The following GRID2 variants were observed in gnomAD, a reference collection of about 807,000 sequenced individuals.
The protein encoded by GRID2 is glutamate receptor ionotropic, delta-2.
A neutral mutation model predicts 114.8 loss-of-function variants in GRID2; 33 were observed. The observed-to-expected ratio is 0.29, with a 90% confidence interval of 0.22 to 0.38. The LOEUF (loss-of-function observed/expected upper bound fraction) is 0.38. Ranked by LOEUF, GRID2 falls within the 10% of genes least tolerant of loss-of-function variation. GRID2 has a pLI of 1.00. For synonymous variants in GRID2, 505 were observed against 449.9 expected (o/e 1.12, Z -1.55); for missense variants, 1,184 against 1,257.7 (o/e 0.94, Z 0.89).
intron 1 of GRID2, among the ~76,000 whole-genome samples, chr4:92,432,862 G>A (rs552851729): frequency 6.6e-6 from 1 of 152,260 alleles, no homozygotes; most frequent in Non-Finnish European, 1.5e-5. Flanking sequence ...GGTCACACCT[G>A]AAGCCAGCAG....
chr4:93,447,308 G>A (rs1722180387), intron 10 of GRID2, among the ~76,000 whole-genome samples: 1 of 151,840 alleles, frequency 6.6e-6, no homozygotes, highest in South Asian at 2.1e-4. Flanking sequence ...AAAATATGAA[G>A]CCATTAAAGC....
At chr4:93,431,502 A>C (rs1769404122) in intron 10 of GRID2, among the ~76,000 whole-genome samples, 1 of 152,212 alleles carries the variant, frequency 6.6e-6, no homozygotes, top group South Asian at 2.1e-4. Flanking sequence ...TGTTGATGAT[A>C]AGAACTGCCA....
intron 2 of GRID2, among the ~76,000 whole-genome samples, chr4:92,697,807 A>C (rs1405102702): frequency 6.6e-6 from 1 of 152,164 alleles, no homozygotes; most frequent in African/African-American, 2.4e-5. Context: ...GTTGGGTTGA[A>C]GGATGATGAG....
intron 2 of GRID2, among the ~76,000 whole-genome samples, chr4:92,596,244 TCATTCATC>T (rs1038373476): frequency 3.3e-5 from 5 of 152,042 alleles, no homozygotes; most frequent in Non-Finnish European, 5.9e-5. Flanking sequence ...ATTCATTCAT[TCATTCATC>T]CATTCGTTCA....
chr4:92,932,746 G>C (rs903604121), intron 2 of GRID2, among the ~76,000 whole-genome samples: 1 of 151,208 alleles, frequency 6.6e-6, no homozygotes, highest in African/African-American at 2.4e-5. Context: ...CAACAAAAAC[G>C]AATGCAGGCA....
chr4:92,336,407 A>C (rs540270850), intron 1 of GRID2, among the ~76,000 whole-genome samples: 1 of 152,088 alleles, frequency 6.6e-6, no homozygotes, highest in Non-Finnish European at 1.5e-5. Context: ...AATATCTCAA[A>C]TCTGTCCATT....
intron 1 of GRID2, among the ~76,000 whole-genome samples, chr4:92,568,282 A>T (rs1037712855): frequency 2.0e-5 from 3 of 152,040 alleles, no homozygotes; most frequent in African/African-American, 7.2e-5. Flanking sequence ...CTGAAATTTA[A>T]CAAAGTGTCT....
intron 4 of GRID2, among the ~76,000 whole-genome samples, chr4:93,190,707 C>G (rs1455465486): frequency 4.6e-5 from 7 of 151,940 alleles, no homozygotes; most frequent in Non-Finnish European, 1.0e-4. Flanking sequence ...GCAATATGAC[C>G]TACGCTATTT....
chr4:93,255,888 A>T (rs1419213633), intron 8 of GRID2, among the ~76,000 whole-genome samples: 1 of 152,134 alleles, frequency 6.6e-6, no homozygotes, highest in African/African-American at 2.4e-5. Context: ...GGACTAAGAC[A>T]CACTGTAAGT....
At chr4:92,458,053 G>A (rs4580622) in intron 1 of GRID2, among the ~76,000 whole-genome samples, 1 of 152,124 alleles carries the variant, frequency 6.6e-6, no homozygotes, top group Non-Finnish European at 1.5e-5. Flanking sequence ...ATAGCATGAA[G>A]GACTTTTCTT....
intron 2 of GRID2, among the ~76,000 whole-genome samples, chr4:92,835,514 C>T (rs183219363): frequency 1.3e-5 from 2 of 152,178 alleles, no homozygotes; most frequent in East Asian, 3.9e-4. Flanking sequence ...ACGTATGAGG[C>T]TGTACATTAG....
At chr4:93,198,632 G>T (rs1741752163) in intron 4 of GRID2, among the ~76,000 whole-genome samples, 1 of 152,146 alleles carries the variant, frequency 6.6e-6, no homozygotes, top group East Asian at 1.9e-4. Context: ...CAAGCATAAG[G>T]GTTGGGATAA....
chr4:92,373,013 G>A (rs1329367147), intron 1 of GRID2, among the ~76,000 whole-genome samples: 1 of 152,068 alleles, frequency 6.6e-6, no homozygotes, highest in Non-Finnish European at 1.5e-5. Flanking sequence ...TTGCAACAAA[G>A]GAAACTAACA....
intron 8 of GRID2, among the ~76,000 whole-genome samples, chr4:93,360,880 C>T (rs1579815969): frequency 7.2e-6 from 1 of 139,800 alleles, no homozygotes; most frequent in African/African-American, 2.5e-5. Context: ...TTCTGTACTT[C>T]TCTTTGTCTA....
chr4:93,332,463 T>G (rs1483528824), intron 8 of GRID2, among the ~76,000 whole-genome samples: 1 of 133,792 alleles, frequency 7.5e-6, no homozygotes, highest in Non-Finnish European at 1.5e-5. Context: ...CAAAGAATTT[T>G]AAGTTGTTTC....
At chr4:93,608,330 C>CT (rs1194904487) in intron 13 of GRID2, among the ~76,000 whole-genome samples, 2 of 76,942 alleles carry the variant, frequency 2.6e-5, no homozygotes, top group East Asian at 3.3e-4. Flanking sequence ...TTTTATTATA[C>CT]TTTAAGTTTT....
intron 8 of GRID2, among the ~76,000 whole-genome samples, chr4:93,320,405 T>C (rs541540832): frequency 2.6e-4 from 40 of 152,296 alleles, no homozygotes; most frequent in South Asian, 4.1e-4. Flanking sequence ...TGAGGAATTT[T>C]AACCCATGAG....
At chr4:92,966,386 T>A (rs902559627) in intron 2 of GRID2, among the ~76,000 whole-genome samples, 3 of 151,974 alleles carry the variant, frequency 2.0e-5, no homozygotes, top group Admixed American at 6.6e-5. Context: ...CTTGACCTAC[T>A]TTTTGGAAGA....
At chr4:93,149,069 G>T (rs1346487213) in intron 4 of GRID2, among the ~76,000 whole-genome samples, 2 of 152,054 alleles carry the variant, frequency 1.3e-5, no homozygotes, top group Non-Finnish European at 2.9e-5. Flanking sequence ...ATTCTACACA[G>T]TCCTGAGGAA....
Sources: gnomAD v4.1 joint callset for allele counts (sites outside exome capture counted in the v4.1 genomes callset) on GRCh38, gnomAD v4.1.1 for gene constraint, MANE v1.5 for transcripts, NCBI Gene and HGNC (gene_info 2026-07-23, HGNC 2026-07-21) for gene names.